LRP2: variants seen among roughly 807,000 people sequenced by gnomAD.
The protein encoded by LRP2 is low-density lipoprotein receptor-related protein 2.
A neutral mutation model predicts 531.0 loss-of-function variants in LRP2; 172 were observed. That is an observed-to-expected ratio of 0.32 (90% CI 0.29 to 0.37). LRP2 has a LOEUF of 0.37. LRP2 is among the 10% of genes least tolerant of loss of function. The pLI, the probability that LRP2 is intolerant of heterozygous loss-of-function variation, is 1.00. For missense variants in LRP2, 5,167 were observed against 5,868.3 expected (o/e 0.88, Z 3.90); for synonymous variants, 1,992 against 2,027.6 (o/e 0.98, Z 0.47).
chr2:169,199,883 T>C (rs1186674849), intron 44 of LRP2, among the ~76,000 whole-genome samples: 2 of 152,206 alleles, frequency 1.3e-5, no homozygotes, highest in Non-Finnish European at 2.9e-5. Flanking sequence ...ATTTTAAGCA[T>C]AAGAAGAGAT....
intron 37 of LRP2, among the ~76,000 whole-genome samples, chr2:169,210,260 A>T (rs951094164): frequency 6.6e-6 from 1 of 152,134 alleles, no homozygotes; most frequent in African/African-American, 2.4e-5. Context: ...GAGCCAAGAC[A>T]TTCACAGGGC....
At chr2:169,267,105 GT>G (rs1055297926) in intron 16 of LRP2, among the ~76,000 whole-genome samples, 1 of 151,064 alleles carries the variant, frequency 6.6e-6, no homozygotes, top group African/African-American at 2.4e-5. Flanking sequence ...GCTCAGGCTG[GT>G]CTCAAACTCC....
At chr2:169,292,154 C>T (rs1367134485) in intron 7 of LRP2, 99 bp downstream of exon 7, 1 of 953,458 alleles carries the variant, frequency 1.0e-6, no homozygotes, top group Non-Finnish European at 1.7e-6. Context: ...CTGAGGCTTG[C>T]TTGTCACACA....
chr2:169,212,032 T>C lies in LRP2; in HGVS notation c.6216A>G (p.Ala2072=). 2.5e-6 allele frequency: 4 copies of C among 1,613,990 alleles called. No homozygotes were observed. The South Asian group carries it at 3.3e-5, about 13-fold the overall frequency. Residue 2072 remains alanine, a synonymous_variant, in exon 37 of 79, where the codon GCA becomes GCG. Coordinates refer to ENST00000649046, the MANE Select transcript of LRP2 (RefSeq NM_004525.3). ...NSFIVVSMLS[A]IRGFSLELSD... The stretch of plus-strand genomic sequence containing the variant: ...ACAATTCCAAGCTAAAGCCTCTGAT[T>C]GCAGACAGCATTGAAACAACAATGA...
At chr2:169,128,902 A>G in intron 78 of LRP2, 72 bp from the exon 79 acceptor site, 2 of 1,585,464 alleles carry the variant, frequency 1.3e-6, no homozygotes, top group Non-Finnish European at 1.7e-6. Context: ...TTCATAAAGA[A>G]GACTATTTGT....
intron 1 of LRP2, 127 bp downstream of exon 1, chr2:169,362,194 C>A: frequency 1.3e-6 from 1 of 742,960 alleles, no homozygotes; most frequent in Non-Finnish European, 2.1e-6. Context: ...CCACCGGGAG[C>A]AGCTCCCGCG....
chr2:169,274,979 GA>G, intron 14 of LRP2, 56 bp downstream of exon 14: 1 of 1,551,840 alleles, frequency 6.4e-7, no homozygotes, highest in Non-Finnish European at 8.9e-7. Context: ...AAAGCTTTGA[GA>G]AAACCTTTCC....
chr2:169,246,928 G>C lies in LRP2; in HGVS notation c.2967C>G (p.Phe989Leu), dbSNP rs1417585276. 1.2e-6 allele frequency: 2 copies of C among 1,614,068 alleles called. No individual in the cohort carries two copies. The highest frequency in any genetic ancestry group is 2.7e-5 in the African/African-American group (2 of 74,926). ...HPNGDCSHFC[F>L]PVPNFQRVCG... ...ACACTCGCTGGAAATTTGGCACCGG[G>C]AAGCAGAAGTGGCTGCAGTCACCGT... Residue 989 changes from phenylalanine to leucine, a missense_variant, in exon 21 of 79, where the codon TTC (phenylalanine) becomes TTG (leucine). Phe to Leu is a conservative substitution (Grantham distance 22). Coordinates refer to ENST00000649046, the MANE Select transcript of LRP2 (RefSeq NM_004525.3).
At chr2:169,300,593 T>G (rs1684263590) in intron 4 of LRP2, among the ~76,000 whole-genome samples, 1 of 152,132 alleles carries the variant, frequency 6.6e-6, no homozygotes, top group South Asian at 2.1e-4. Flanking sequence ...AAGAGGGATC[T>G]TAGGATCTTT....
chr2:169,236,005 G>T lies in LRP2; in HGVS notation c.4755C>A (p.Asp1585Glu), dbSNP rs141871628. ...HHPRIERASM[D>E]GSMRTVIVQD... Reference sequence around the variant, plus strand: ...GGACAATGACAGTGCGCATGCTGCCGTCCATGCTGGCTCGCTCGATGCGAG... The same window carrying T: ...GGACAATGACAGTGCGCATGCTGCCTTCCATGCTGGCTCGCTCGATGCGAG... Residue 1585 changes from aspartate to glutamate, a missense_variant, in exon 29 of 79, where the codon GAC becomes GAA. This residue lies in a region of LRP2 where 2,811 missense variants were observed against 3,058.0 expected (regional missense o/e 0.92). Transcript: ENST00000649046. 3 of 1,614,172 alleles carry T rather than the reference G, an allele frequency of 1.9e-6. No individual in the cohort carries two copies. Among genetic ancestry groups the T allele is most frequent in the Middle Eastern group, 1.6e-4 (1 of 6,062 alleles).
chr2:169,197,289 T>C (rs939872890), intron 45 of LRP2, among the ~76,000 whole-genome samples: 2 of 152,156 alleles, frequency 1.3e-5, no homozygotes, highest in East Asian at 1.9e-4. Context: ...TTGTTAGAAA[T>C]ACCAAAGAAC....
chr2:169,237,047 G>T, intron 28 of LRP2, 56 bp downstream of exon 28: 1 of 1,436,632 alleles, frequency 7.0e-7, no homozygotes, highest in Non-Finnish European at 9.8e-7. Context: ...TGTTACTGTT[G>T]TTTTTCCCTC....
intron 26 of LRP2, among the ~76,000 whole-genome samples, chr2:169,239,094 G>T (rs1416964017): frequency 6.6e-6 from 1 of 152,100 alleles, no homozygotes; most frequent in South Asian, 2.1e-4. Flanking sequence ...TTCTGTTTTT[G>T]TTTTAGCTTC....
chr2:169,158,855 AAC>A (rs72013691), intron 63 of LRP2, among the ~76,000 whole-genome samples: 70,065 of 146,388 alleles, frequency 0.48, 16,998 homozygotes, highest in Admixed American at 0.59. Context: ...GTAAAAAAAA[AAC>A]AAAAAAAACA....
chr2:169,272,884 C>G (rs201495073), intron 15 of LRP2, 43 bp downstream of exon 15: 207 of 1,611,362 alleles, frequency 1.3e-4, no homozygotes, highest in Non-Finnish European at 1.5e-4. Context: ...GACACACATA[C>G]ACCTGTGTCA....
chr2:169,153,084 T>A, intron 66 of LRP2, 120 bp from the exon 67 acceptor site: 1 of 871,466 alleles, frequency 1.1e-6, no homozygotes. Context: ...TCCTCACTGT[T>A]GTTATAATAT....
At chr2:169,210,471 A>G (rs1688554602) in intron 37 of LRP2, among the ~76,000 whole-genome samples, 1 of 152,214 alleles carries the variant, frequency 6.6e-6, no homozygotes, top group East Asian at 1.9e-4. Flanking sequence ...TTATTGCTAA[A>G]TGTATTTAAC....
At chr2:169,272,462 T>A (rs771701195) in intron 15 of LRP2, among the ~76,000 whole-genome samples, 1 of 152,106 alleles carries the variant, frequency 6.6e-6, no homozygotes, top group Non-Finnish European at 1.5e-5. Flanking sequence ...AAGATTCAGA[T>A]GTGATTACCT....
Position 169,264,113 on chromosome 2 carries a change from A to T in LRP2, c.2321-4896T>A, listed in dbSNP as rs187913485. The stretch of plus-strand genomic sequence containing the variant: ...GACTGTTGTGGGGTGGCGCGGGAGG[A>T]GGGATAGCATTGGGAGATATAACTA... On this transcript the variant is annotated intron_variant, in intron 16 of 78. Transcript: ENST00000649046. 2.8e-3 allele frequency among the ~76,000 whole-genome samples: 422 copies of T among 152,192 alleles called. 1 individual carries two copies. The highest frequency in any genetic ancestry group is 9.4e-3 in the African/African-American group (390 of 41,544).
Sources: allele counts gnomAD v4.1 joint callset (sites outside exome capture counted in the v4.1 genomes callset), GRCh38; gene constraint gnomAD v4.1.1; regional missense constraint gnomAD v4.1.1; transcripts MANE v1.5; gene names NCBI Gene and HGNC (gene_info 2026-07-23, HGNC 2026-07-21).